ADAMTS3: variants seen among roughly 807,000 people sequenced by gnomAD.
ADAMTS3 encodes A disintegrin and metalloproteinase with thrombospondin motifs 3.
A neutral mutation model predicts 129.0 loss-of-function variants in ADAMTS3; 73 were observed. The observed-to-expected ratio is 0.57, with a 90% CI of 0.47 to 0.69. The LOEUF (loss-of-function observed/expected upper bound fraction) is 0.69. ADAMTS3 is among the 30% of genes least tolerant of loss of function. The pLI, the probability that ADAMTS3 is intolerant of heterozygous loss-of-function variation, is 0.00. For missense variants in ADAMTS3, 1,457 were observed against 1,514.5 expected (o/e 0.96, Z 0.63); for synonymous variants, 477 against 510.8 (o/e 0.93, Z 0.89).
At chr4:72,328,217 A>G (rs1476604812) in intron 5 of ADAMTS3, among the ~76,000 whole-genome samples, 1 of 152,198 alleles carries the variant, frequency 6.6e-6, no homozygotes, top group East Asian at 1.9e-4. Context: ...GGGTAAACAG[A>G]ACATTAATTC....
At chr4:72,530,172 AAT>A (rs1343512104) in intron 3 of ADAMTS3, among the ~76,000 whole-genome samples, 2 of 72,856 alleles carry the variant, frequency 2.7e-5, no homozygotes, top group South Asian at 4.6e-4. Context: ...ATATTAAACT[AAT>A]ATATATTTAT....
In ADAMTS3 at chr4:72,482,454, G is replaced by A. The variant is rs1365335920; in HGVS notation, c.504+66024C>T. 2.0e-5 allele frequency among the ~76,000 whole-genome samples: 3 copies of A among 151,932 alleles called. No homozygotes were observed. In the East Asian group the frequency reaches 5.8e-4, roughly 29 times the overall value. On this transcript the variant is annotated intron_variant, in intron 3 of 21. Transcript: ENST00000286657. ...TATAGTACCATTTACATACTGTTCT[G>A]GAAATGACAAAAATGGAAATGAAGA... is the stretch of plus-strand genomic sequence containing the variant.
chr4:72,428,921 G>T (rs1722633339), intron 3 of ADAMTS3, among the ~76,000 whole-genome samples: 2 of 151,990 alleles, frequency 1.3e-5, no homozygotes, highest in Non-Finnish European at 2.9e-5. Context: ...AAAGATGATT[G>T]TAAGACTCAT....
At chr4:72,414,772 C>A in intron 4 of ADAMTS3, 43 bp downstream of exon 4, 2 of 1,324,802 alleles carry the variant, frequency 1.5e-6, no homozygotes, top group East Asian at 2.8e-5. Context: ...TTCATCATAT[C>A]TTAAAATTAT....
At chr4:72,545,739 C>T (rs1311013563) in intron 3 of ADAMTS3, among the ~76,000 whole-genome samples, 1 of 152,136 alleles carries the variant, frequency 6.6e-6, no homozygotes, top group East Asian at 1.9e-4. Context: ...TGGACATCTT[C>T]CACAGGAGGA....
intron 5 of ADAMTS3, among the ~76,000 whole-genome samples, chr4:72,333,853 T>TTTC (rs1457232925): frequency 2.4e-5 from 3 of 126,750 alleles, no homozygotes; most frequent in African/African-American, 1.0e-4. Flanking sequence ...GCTTGCTTTT[T>TTTC]TTTTTTTTTT....
At chr4:72,343,247 G>A (rs1026511915) in intron 4 of ADAMTS3, among the ~76,000 whole-genome samples, 2 of 152,156 alleles carry the variant, frequency 1.3e-5, no homozygotes, top group African/African-American at 4.8e-5. Flanking sequence ...CTGGCAAAGA[G>A]AAGGGAAGAT....
intron 3 of ADAMTS3, among the ~76,000 whole-genome samples, chr4:72,480,776 C>A: frequency 6.7e-6 from 1 of 150,356 alleles, no homozygotes; most frequent in Non-Finnish European, 1.5e-5. Context: ...AAAAACTACC[C>A]CTATTTCCAG....
intron 3 of ADAMTS3, among the ~76,000 whole-genome samples, chr4:72,465,110 C>T (rs781605804): frequency 5.3e-5 from 8 of 151,906 alleles, no homozygotes; most frequent in Non-Finnish European, 7.4e-5. Context: ...TTAGTGACAA[C>T]TATGATGCTA....
intron 4 of ADAMTS3, among the ~76,000 whole-genome samples, chr4:72,363,080 T>C (rs142592060): frequency 5.2e-4 from 79 of 152,246 alleles, no homozygotes; most frequent in African/African-American, 1.9e-3. Context: ...GACATGAAAG[T>C]TATTCTCATG....
intron 4 of ADAMTS3, among the ~76,000 whole-genome samples, chr4:72,404,597 G>A (rs1338632081): frequency 4.6e-5 from 7 of 151,912 alleles, no homozygotes; most frequent in Non-Finnish European, 1.0e-4. Flanking sequence ...TCTTCACAAC[G>A]ATTTGCTAGT....
At chr4:72,473,179 C>T (rs1025051794) in intron 3 of ADAMTS3, among the ~76,000 whole-genome samples, 2 of 152,036 alleles carry the variant, frequency 1.3e-5, no homozygotes, top group South Asian at 2.1e-4. Context: ...AGTCGACATA[C>T]TTCTACTACA....
intron 4 of ADAMTS3, among the ~76,000 whole-genome samples, chr4:72,401,674 T>G (rs546275096): frequency 6.6e-6 from 1 of 151,810 alleles, no homozygotes; most frequent in East Asian, 1.9e-4. Context: ...GGCTGATAAT[T>G]CTTTATAAGA....
intron 4 of ADAMTS3, among the ~76,000 whole-genome samples, chr4:72,383,217 C>T (rs1045942775): frequency 6.6e-6 from 1 of 151,740 alleles, no homozygotes; most frequent in Non-Finnish European, 1.5e-5. Context: ...AACCAATCCT[C>T]TTGTAGATAA....
In ADAMTS3 at chr4:72,288,883, G is replaced by C; in HGVS notation, c.2932-15C>G. 8 of 1,462,184 alleles carry C rather than the reference G, an allele frequency of 5.5e-6. No homozygotes were observed. Among genetic ancestry groups the C allele is most frequent in the Non-Finnish European group, 7.5e-6 (8 of 1,072,008 alleles). The allele number at this position is 1,462,184 out of a possible 1,614,324, so 90.6% of individuals were successfully genotyped here. A position where few individuals can be genotyped will look rare whatever the true frequency, so the allele number is the denominator to read the frequency against. On this transcript the variant is annotated splice_polypyrimidine_tract_variant and intron_variant, in intron 20 of 21. Transcript: ENST00000286657. ...GTCACTGAACACTGCAGAGACAAAG[G>C]CTGTGGTTACAGACATTTATTGCAC...
At chr4:72,340,306 T>G (rs1720101586) in intron 4 of ADAMTS3, among the ~76,000 whole-genome samples, 1 of 114,964 alleles carries the variant, frequency 8.7e-6, no homozygotes, top group Admixed American at 1.0e-4. Context: ...GGGTATATAC[T>G]ATATACATAA....
intron 3 of ADAMTS3, among the ~76,000 whole-genome samples, chr4:72,499,002 G>T (rs780937413): frequency 6.6e-6 from 1 of 151,944 alleles, no homozygotes; most frequent in Admixed American, 6.6e-5. Context: ...ATAATCATAC[G>T]GAATATTTGA....
At chr4:72,383,667 C>A (rs372412061) in intron 4 of ADAMTS3, among the ~76,000 whole-genome samples, 2 of 152,098 alleles carry the variant, frequency 1.3e-5, no homozygotes, top group Admixed American at 6.5e-5. Context: ...CTGATACCAG[C>A]CACAGTGTCG....
At chr4:72,399,254 A>T (rs768187094) in intron 4 of ADAMTS3, among the ~76,000 whole-genome samples, 17 of 152,196 alleles carry the variant, frequency 1.1e-4, no homozygotes, top group Middle Eastern at 3.4e-3. Context: ...ACATAGTGAG[A>T]CCTCATCTCT....
Sources: gnomAD v4.1 joint callset for allele counts (sites outside exome capture counted in the v4.1 genomes callset) on GRCh38, gnomAD v4.1.1 for gene constraint, MANE v1.5 for transcripts, NCBI Gene and HGNC (gene_info 2026-07-23, HGNC 2026-07-21) for gene names.